The following DGKB variants were observed in gnomAD, a reference collection of about 807,000 sequenced individuals.
DGKB encodes 90 kDa diacylglycerol kinase.
Under a neutral mutation model 114.3 loss-of-function variants are expected in DGKB, and 67 were observed. The ratio of observed to expected loss-of-function variants is 0.59; its 90% CI spans 0.48 to 0.72. The LOEUF (loss-of-function observed/expected upper bound fraction) is 0.72, where lower values mean the gene tolerates loss of function less well. Among genes scored for constraint, DGKB ranks in the 30% least tolerant of loss-of-function variants. The pLI, the probability that DGKB is intolerant of heterozygous loss-of-function variation, is 0.00. For missense variants in DGKB, 907 were observed against 975.2 expected (o/e 0.93, Z 0.93); for synonymous variants, 398 against 323.1 (o/e 1.23, Z -2.49).
intron 23 of DGKB, among the ~76,000 whole-genome samples, chr7:14,214,808 A>G (rs1788694094): frequency 6.6e-6 from 1 of 152,140 alleles, no homozygotes. Flanking sequence ...CTTTGTCATC[A>G]CCTAAGCTAA....
chr7:14,163,586 C>T (rs1198623209), intron 25 of DGKB, among the ~76,000 whole-genome samples: 1 of 152,182 alleles, frequency 6.6e-6, no homozygotes, highest in Non-Finnish European at 1.5e-5. Context: ...CACTACCACT[C>T]ACACCTTAAA....
chr7:14,941,006 T>C lies in DGKB; in HGVS notation c.-188+33690A>G, dbSNP rs1442399109. Among the ~76,000 whole-genome samples the C allele has an allele frequency of 2.0e-5, 3 of 152,064 alleles. 1 individual carries two copies. The highest frequency in any genetic ancestry group is 4.1e-4 in the South Asian group (2 of 4,826). On this transcript the variant is annotated intron_variant, in intron 1 of 4. Transcript: ENST00000437998. ...GATAGGAGAGAATATAAATGTATTA[T>C]TGAATTGTCAAAGTGTACAGATCAT...
intron 2 of DGKB, among the ~76,000 whole-genome samples, chr7:14,829,714 G>T (rs1361053272): frequency 1.3e-5 from 2 of 152,048 alleles, no homozygotes; most frequent in African/African-American, 4.8e-5. Flanking sequence ...GGTAACAAGA[G>T]GAAAATTAAC....
At chr7:14,940,271 T>C (rs1296616169) in intron 1 of DGKB, among the ~76,000 whole-genome samples, 2 of 151,950 alleles carry the variant, frequency 1.3e-5, no homozygotes, top group East Asian at 3.9e-4. Context: ...GACAGTTTTT[T>C]AATCTCAAAG....
intron 21 of DGKB, among the ~76,000 whole-genome samples, chr7:14,424,036 T>C (rs1473840323): frequency 2.0e-5 from 3 of 152,068 alleles, no homozygotes; most frequent in Non-Finnish European, 4.4e-5. Flanking sequence ...CCAGTATTAC[T>C]CCCTACCTGG....
intron 25 of DGKB, among the ~76,000 whole-genome samples, chr7:14,173,025 T>C (rs1000029657): frequency 1.4e-4 from 22 of 152,176 alleles, no homozygotes; most frequent in Non-Finnish European, 8.8e-5. Flanking sequence ...ATATATACTC[T>C]CTTCTAGAAT....
At chr7:14,444,548 T>A (rs1487661086) in intron 21 of DGKB, among the ~76,000 whole-genome samples, 1 of 151,838 alleles carries the variant, frequency 6.6e-6, no homozygotes, top group East Asian at 1.9e-4. Context: ...AGTTTCCTAA[T>A]CTAGAATATT....
rs1783294981 is a variant in DGKB, at chr7:14,902,657, G to A, written c.-253C>T. 6.6e-6 allele frequency: 1 copy of A among 152,216 alleles called. No individual in the cohort carries two copies. Among genetic ancestry groups the A allele is most frequent in the Non-Finnish European group, 1.5e-5 (1 of 68,112 alleles). 9.4% of individuals were successfully genotyped at this position (152,216 alleles called of 1,614,324 possible). On this transcript the variant is annotated 5_prime_UTR_variant, in exon 1 of 26. Coordinates refer to ENST00000402815, the MANE Select transcript of DGKB (RefSeq NM_001350709.2). ...CGAGAGCCACTGCTTTTCCGGAGAG[G>A]AACTGGGACTAGCCAGTTCTCAGGA... is the stretch of plus-strand genomic sequence containing the variant.
chr7:14,740,967 T>G (rs1325812089), intron 4 of DGKB, among the ~76,000 whole-genome samples: 1 of 152,204 alleles, frequency 6.6e-6, no homozygotes, highest in Admixed American at 6.5e-5. Context: ...GAACCAGGGA[T>G]GCCTTGCTCC....
intron 17 of DGKB, among the ~76,000 whole-genome samples, chr7:14,590,938 A>G (rs901515679): frequency 1.3e-5 from 2 of 152,058 alleles, no homozygotes; most frequent in African/African-American, 2.4e-5. Flanking sequence ...AATAGTCACA[A>G]TTTTCTAACA....
At chr7:14,741,319 A>G (rs949222900) in intron 4 of DGKB, among the ~76,000 whole-genome samples, 4 of 152,170 alleles carry the variant, frequency 2.6e-5, no homozygotes, top group African/African-American at 9.6e-5. Context: ...GTAGGGATAT[A>G]TTCTCCGTAA....
chr7:14,629,802 G>A (rs1165239774), intron 14 of DGKB, among the ~76,000 whole-genome samples: 2 of 151,960 alleles, frequency 1.3e-5, no homozygotes, highest in Non-Finnish European at 2.9e-5. Context: ...GAAAGTGATG[G>A]GCACTTCAAA....
intron 1 of DGKB, among the ~76,000 whole-genome samples, chr7:14,963,908 T>C (rs1300566853): frequency 6.6e-6 from 1 of 152,090 alleles, no homozygotes; most frequent in Admixed American, 6.6e-5. Flanking sequence ...TAGCTGCACA[T>C]AGCACAATTA....
chr7:14,392,995 G>GTTTTGTTTTTTTTTTTTTTTTTT lies in DGKB; in HGVS notation c.1836-47605_1836-47604insAAAAAAAAAAAAAAAAAACAAAA, dbSNP rs1554404749. 1.2e-4 allele frequency among the ~76,000 whole-genome samples: 7 copies of GTTTTGTTTTTTTTTTTTTTTTTT among 60,548 alleles called. 1 individual carries two copies. The highest frequency in any genetic ancestry group is 4.6e-4 in the Admixed American group (2 of 4,386). The allele number at this position is 60,548 out of a possible 152,430, so 39.7% of individuals were successfully genotyped here. ...CAAAACAGACCTGTTTTTTGTTTTTGTTTTTTTTTTTTTGAGACGGAGTCT... is the reference window on the plus strand; with the variant it reads ...CAAAACAGACCTGTTTTTTGTTTTTGTTTTGTTTTTTTTTTTTTTTTTTTTTTTTTTTTTTTGAGACGGAGTCT... On this transcript the variant is annotated intron_variant, in intron 21 of 25. Coordinates refer to ENST00000402815, the MANE Select transcript of DGKB (RefSeq NM_001350709.2).
chr7:14,804,236 AT>A (rs1420701895), intron 2 of DGKB, among the ~76,000 whole-genome samples: 2 of 151,528 alleles, frequency 1.3e-5, no homozygotes, highest in Non-Finnish European at 2.9e-5. Context: ...ATTTTGGATT[AT>A]TTTTCCATTG....
intron 23 of DGKB, among the ~76,000 whole-genome samples, chr7:14,237,316 C>T (rs538133190): frequency 5.3e-5 from 8 of 151,888 alleles, no homozygotes; most frequent in East Asian, 1.9e-4. Context: ...TTTCATTCTT[C>T]CCTTCCTCCA....
chr7:14,597,362 T>A (rs1179598822), intron 17 of DGKB, among the ~76,000 whole-genome samples: 1 of 152,152 alleles, frequency 6.6e-6, no homozygotes, highest in Non-Finnish European at 1.5e-5. Flanking sequence ...CATCTGCCAT[T>A]TTCAGGAAAT....
chr7:14,749,294 T>C (rs938587693), intron 4 of DGKB, among the ~76,000 whole-genome samples: 1 of 152,158 alleles, frequency 6.6e-6, no homozygotes. Context: ...AAAGCTGTCA[T>C]ATAGATAGTT....
intron 21 of DGKB, among the ~76,000 whole-genome samples, chr7:14,476,252 A>G (rs1782154966): frequency 6.6e-6 from 1 of 151,990 alleles, no homozygotes; most frequent in Non-Finnish European, 1.5e-5. Context: ...ATTAATAGCT[A>G]TATTCATTTC....
Sources: gnomAD v4.1 joint callset for allele counts (sites outside exome capture counted in the v4.1 genomes callset) on GRCh38, gnomAD v4.1.1 for gene constraint, MANE v1.5 for transcripts, NCBI Gene and HGNC (gene_info 2026-07-23, HGNC 2026-07-21) for gene names.